Variants in MTMR14 observed in about 807,000 individuals in gnomAD.
The protein encoded by MTMR14 is phosphatidylinositol-3,5-bisphosphate 3-phosphatase MTMR14.
In MTMR14, 48 loss-of-function variants were observed where a neutral mutation model predicts 86.3. The ratio of observed to expected loss-of-function variants is 0.56; its 90% confidence interval spans 0.44 to 0.71. MTMR14 has a LOEUF of 0.71. MTMR14 is among the 30% of genes least tolerant of loss of function. MTMR14 has a pLI of 0.00. For missense variants in MTMR14, 780 were observed against 834.6 expected (o/e 0.93, Z 0.81); for synonymous variants, 366 against 326.1 (o/e 1.12, Z -1.32).
chr3:9,663,971 T>G (rs1411640381), intron 3 of MTMR14, among the ~76,000 whole-genome samples: 1 of 151,254 alleles, frequency 6.6e-6, no homozygotes, highest in Non-Finnish European at 1.5e-5. Flanking sequence ...GTATTTTTAG[T>G]AGAGACGGGG....
At chr3:9,684,060 G>A (rs368586257) in intron 10 of MTMR14, among the ~76,000 whole-genome samples, 2 of 152,190 alleles carry the variant, frequency 1.3e-5, no homozygotes, top group African/African-American at 4.8e-5. Flanking sequence ...GCCAGGCACT[G>A]GTTCTCTAGC....
intron 17 of MTMR14, among the ~76,000 whole-genome samples, chr3:9,691,469 A>G (rs2076138409): frequency 6.6e-6 from 1 of 152,198 alleles, no homozygotes; most frequent in Admixed American, 6.5e-5. Flanking sequence ...GCTCTAGGTC[A>G]TGGTTCCTGC....
At chr3:9,675,483 T>A (rs1212907620) in intron 7 of MTMR14, 2 of 437,600 alleles carry the variant, frequency 4.6e-6, no homozygotes, top group Admixed American at 4.8e-5. Flanking sequence ...CAGTTCTAGA[T>A]GTGTCACACT....
intron 18 of MTMR14, among the ~76,000 whole-genome samples, chr3:9,698,667 G>A (rs1413986527): frequency 6.6e-6 from 1 of 152,170 alleles, no homozygotes; most frequent in African/African-American, 2.4e-5. Context: ...GGTGCCTTGG[G>A]GAGTTGGGAA....
rs536394977 is a variant in MTMR14, at chr3:9,668,857, G to C, written c.493+63G>C. On this transcript the variant is annotated intron_variant, in intron 4 of 18. Coordinates refer to ENST00000296003, the MANE Select transcript of MTMR14 (RefSeq NM_001077525.3). ...ACCCAGTCATAGAGAATAGCTACCC[G>C]GGCCGGGCGCCATGCCTCACGCCTG... The C allele has an allele frequency of 5.8e-6, 9 of 1,560,510 alleles. No homozygotes were observed. In the East Asian group the frequency reaches 1.8e-4, roughly 31 times the overall value.
chr3:9,679,952 C>T (rs2075705614), intron 9 of MTMR14, among the ~76,000 whole-genome samples: 1 of 152,154 alleles, frequency 6.6e-6, no homozygotes, highest in Non-Finnish European at 1.5e-5. Context: ...GCATGCTCTT[C>T]CTTGGCTGGG....
chr3:9,697,663 G>A, intron 17 of MTMR14, 48 bp from the exon 18 acceptor site: 6 of 1,598,976 alleles, frequency 3.8e-6, no homozygotes, highest in Non-Finnish European at 4.3e-6. Flanking sequence ...CCTGTGTCAG[G>A]CATATGACTG....
chr3:9,662,779 T>C (rs1434122587), intron 3 of MTMR14, among the ~76,000 whole-genome samples: 2 of 152,236 alleles, frequency 1.3e-5, no homozygotes, highest in African/African-American at 2.4e-5. Flanking sequence ...CAAGTATTTA[T>C]TGTATATTAT....
intron 18 of MTMR14, chr3:9,700,612 A>G (rs73811570): frequency 0.059 from 8,959 of 152,270 alleles, 575 homozygotes; most frequent in African/African-American, 0.14. Flanking sequence ...GGGGAATAGA[A>G]TCAGAACACA....
intron 15 of MTMR14, 72 bp from the exon 16 acceptor site, chr3:9,688,872 T>C: frequency 6.3e-7 from 1 of 1,598,740 alleles, no homozygotes; most frequent in Non-Finnish European, 8.6e-7. Context: ...CCCAGTTATG[T>C]GGTATAGAAA....
At chr3:9,683,151 C>A (rs1575037449) in intron 9 of MTMR14, 27 bp from the exon 10 acceptor site, 7 of 1,602,578 alleles carry the variant, frequency 4.4e-6, no homozygotes, top group Non-Finnish European at 6.0e-6. Context: ...GAGTTAATGT[C>A]CATTTCTTCT....
intron 3 of MTMR14, among the ~76,000 whole-genome samples, chr3:9,668,026 C>A (rs1302397713): frequency 3.9e-5 from 6 of 152,196 alleles, no homozygotes; most frequent in Non-Finnish European, 8.8e-5. Context: ...CCATTCCCCC[C>A]ACCCAACTAG....
chr3:9,691,277 G>A (rs539004073), intron 17 of MTMR14, among the ~76,000 whole-genome samples: 2 of 152,322 alleles, frequency 1.3e-5, no homozygotes, highest in African/African-American at 2.4e-5. Context: ...TGGCCCCATG[G>A]GAGGTGTGGT....
intron 9 of MTMR14, among the ~76,000 whole-genome samples, chr3:9,682,735 G>T (rs1165367610): frequency 6.6e-6 from 1 of 152,220 alleles, no homozygotes; most frequent in Non-Finnish European, 1.5e-5. Context: ...TGATGTGATG[G>T]CATATGAAGG....
chr3:9,696,663 G>A (rs1026254432), intron 17 of MTMR14, among the ~76,000 whole-genome samples: 1 of 152,176 alleles, frequency 6.6e-6, no homozygotes, highest in South Asian at 2.1e-4. Flanking sequence ...AGACTAGCAC[G>A]GTGACCAGTC....
chr3:9,685,415 C>T (rs962528392), intron 13 of MTMR14, among the ~76,000 whole-genome samples, 168 bp downstream of exon 13: 2 of 152,150 alleles, frequency 1.3e-5, no homozygotes, highest in Non-Finnish European at 2.9e-5. Flanking sequence ...GGCACCAGCA[C>T]AGTAGCTCTG....
rs546785259 is a variant in MTMR14 at position 9,679,688 on chromosome 3, G to A, written c.897+1630G>A. On this transcript the variant is annotated intron_variant, in intron 9 of 18. Transcript: ENST00000296003. ...GACCTCACTTCCCCCTGAAAATGGT[G>A]TTGGCAGTACCTATTTCAGAGTTGT... is the stretch of plus-strand genomic sequence containing the variant. 3.3e-5 allele frequency among the ~76,000 whole-genome samples: 5 copies of A among 152,306 alleles called. No homozygotes were observed. In the South Asian group the frequency reaches 8.3e-4, roughly 25 times the overall value.
At chr3:9,692,590 C>T (rs1031799985) in intron 17 of MTMR14, among the ~76,000 whole-genome samples, 1 of 152,244 alleles carries the variant, frequency 6.6e-6, no homozygotes, top group African/African-American at 2.4e-5. Flanking sequence ...GCCTCGGCCT[C>T]GGCCTCTGCT....
At chr3:9,670,860 C>T (rs1426358073) in intron 5 of MTMR14, among the ~76,000 whole-genome samples, 188 bp from the exon 6 acceptor site, 1 of 152,186 alleles carries the variant, frequency 6.6e-6, no homozygotes, top group Non-Finnish European at 1.5e-5. Flanking sequence ...GGGGTAGTCT[C>T]TTAGAAAGTC....
Sources: gnomAD v4.1 joint callset for allele counts (sites outside exome capture counted in the v4.1 genomes callset) on GRCh38, gnomAD v4.1.1 for gene constraint, MANE v1.5 for transcripts, NCBI Gene and HGNC (gene_info 2026-07-23, HGNC 2026-07-21) for gene names.